The following PCDHA6 variants were observed in gnomAD, a reference collection of about 807,000 sequenced individuals.
PCDHA6 encodes the protein protocadherin alpha 6, also known as protocadherin alpha-6.
A neutral mutation model predicts 60.3 loss-of-function variants in PCDHA6; 55 were observed. That is an observed-to-expected ratio of 0.91 (90% CI 0.73 to 1.14). The LOEUF is 1.14. PCDHA6 is among the 50% of genes most tolerant of loss of function. The probability of loss-of-function intolerance (pLI) is 0.00; values close to 1 mark genes in which losing one functional copy is unlikely to be tolerated. For synonymous variants in PCDHA6, 652 were observed against 557.9 expected (o/e 1.17, Z -2.38); for missense variants, 1,327 against 1,256.5 (o/e 1.06, Z -0.85).
intron 1 of PCDHA6, chr5:140,848,253 T>C (rs1021743216): frequency 2.3e-5 from 11 of 469,010 alleles, no homozygotes; most frequent in African/African-American, 2.1e-4. Flanking sequence ...AGAATAACTG[T>C]GAAATTTTTA....
intron 1 of PCDHA6, among the ~76,000 whole-genome samples, chr5:140,911,247 A>G (rs2075389238): frequency 6.6e-6 from 1 of 152,124 alleles, no homozygotes; most frequent in Non-Finnish European, 1.5e-5. Context: ...AAAAAGTTTC[A>G]TCAGAATTTA....
chr5:140,836,436 G>A (rs1195331479), intron 1 of PCDHA6: 3 of 1,613,702 alleles, frequency 1.9e-6, no homozygotes, highest in Non-Finnish European at 2.5e-6. Context: ...GGCATCGTTG[G>A]GCATTGCAGG....
In PCDHA6 at chr5:141,009,805, A is replaced by G. The variant is rs1358613672; in HGVS notation, c.2721A>G (p.Gln907=). The change falls in exon 4 of 4, where the codon CAA becomes CAG. Residue 907 remains glutamine, a synonymous_variant. Transcript: ENST00000529310. ...ISIRQEPTNS[Q]IDKSDFITFG... ...TCCGGCAGGAGCCTACTAACAGCCAAATTGACAAAAGTGACTTCATAACCT... is the reference window on the plus strand; with the variant it reads ...TCCGGCAGGAGCCTACTAACAGCCAGATTGACAAAAGTGACTTCATAACCT... The G allele has an allele frequency of 3.1e-6, 5 of 1,613,974 alleles. No homozygotes were observed. Among genetic ancestry groups the G allele is most frequent in the African/African-American group, 1.3e-5 (1 of 74,898 alleles).
intron 1 of PCDHA6, among the ~76,000 whole-genome samples, chr5:140,941,211 C>CTCT (rs2092852939): frequency 7.7e-6 from 1 of 129,628 alleles, no homozygotes; most frequent in East Asian, 2.4e-4. Context: ...TCCTTTCTTT[C>CTCT]TTCCTTTCTT....
At chr5:140,996,129 G>A (rs190965499) in intron 3 of PCDHA6, among the ~76,000 whole-genome samples, 1 of 152,210 alleles carries the variant, frequency 6.6e-6, no homozygotes, top group Non-Finnish European at 1.5e-5. Flanking sequence ...TGGTGTAGAG[G>A]GTTCTCCCAT....
At chr5:140,992,471 A>G (rs1563581785) in intron 3 of PCDHA6, among the ~76,000 whole-genome samples, 1 of 152,186 alleles carries the variant, frequency 6.6e-6, no homozygotes, top group Non-Finnish European at 1.5e-5. Context: ...TACTCTTTAG[A>G]TCACCCAGAG....
chr5:140,901,020 C>G (rs528406801), intron 1 of PCDHA6, among the ~76,000 whole-genome samples: 2 of 152,262 alleles, frequency 1.3e-5, no homozygotes, highest in African/African-American at 4.8e-5. Flanking sequence ...TGAGAAACAT[C>G]TATTCAACTC....
chr5:140,982,538 G>C lies in PCDHA6; in HGVS notation c.2517G>C (p.Trp839Cys), dbSNP rs782094765. The change falls in exon 3 of 4, where the codon TGG becomes TGC. Residue 839 changes from tryptophan to cysteine, a missense_variant. Coordinates refer to ENST00000529310, the MANE Select transcript of PCDHA6 (RefSeq NM_018909.4). ...GTCCAGGAGGGCCTGATCAGCAGTG[G>C]CCAACAGTATCCAGTGCAACACCAG... ...RAGPGGPDQQ[W>C]PTVSSATPEP... 1 of 1,614,166 alleles carries C rather than the reference G, an allele frequency of 6.2e-7. No individual in the cohort carries two copies.
intron 3 of PCDHA6, among the ~76,000 whole-genome samples, chr5:141,003,899 A>G (rs1288060303): frequency 1.3e-5 from 2 of 152,200 alleles, no homozygotes; most frequent in East Asian, 1.9e-4. Context: ...AGGCCCATTC[A>G]TTTGGGTCTT....
At chr5:140,995,168 A>G (rs1554254492) in intron 3 of PCDHA6, among the ~76,000 whole-genome samples, 1 of 152,186 alleles carries the variant, frequency 6.6e-6, no homozygotes. Context: ...ATGTTCTTTC[A>G]TAGGTGCACC....
chr5:140,988,411 A>G (rs2097296392), intron 3 of PCDHA6, among the ~76,000 whole-genome samples: 1 of 152,144 alleles, frequency 6.6e-6, no homozygotes, highest in South Asian at 2.1e-4. Context: ...TTCGCAGCTT[A>G]TGTAAAGAAT....
At chr5:140,853,997 T>C in intron 1 of PCDHA6, 1 of 465,218 alleles carries the variant, frequency 2.1e-6, no homozygotes, top group Non-Finnish European at 2.9e-6. Flanking sequence ...GACTCATCTC[T>C]GCCAAAAAAA....
At chr5:140,866,347 A>G (rs1554160242) in intron 1 of PCDHA6, 2 of 152,140 alleles carry the variant, frequency 1.3e-5, no homozygotes, top group Admixed American at 6.5e-5. Context: ...GGATTCAAGA[A>G]ATGTTTACAA....
At chr5:140,832,466 T>A (rs1022367825) in intron 1 of PCDHA6, among the ~76,000 whole-genome samples, 6 of 152,304 alleles carry the variant, frequency 3.9e-5, no homozygotes, top group Admixed American at 1.3e-4. Flanking sequence ...CACTAAAATT[T>A]AAAAAAACTA....
At chr5:140,882,588 A>T in intron 1 of PCDHA6, 7 of 1,614,186 alleles carry the variant, frequency 4.3e-6, no homozygotes, top group Non-Finnish European at 5.1e-6. Context: ...ATCCACCTGG[A>T]GGTGATCGTG....
At chr5:140,887,135 C>T (rs2061323683) in intron 1 of PCDHA6, among the ~76,000 whole-genome samples, 1 of 150,802 alleles carries the variant, frequency 6.6e-6, no homozygotes, top group Non-Finnish European at 1.5e-5. Context: ...CTCACTCTGT[C>T]GCCCAGGCTG....
intron 1 of PCDHA6, chr5:140,876,605 A>G: frequency 1.2e-6 from 2 of 1,614,060 alleles, no homozygotes; most frequent in South Asian, 1.1e-5. Flanking sequence ...TCGGATCGTG[A>G]CTCTGGAGCC....
chr5:140,830,698 C>A, intron 1 of PCDHA6: 1 of 278,556 alleles, frequency 3.6e-6, no homozygotes, highest in Non-Finnish European at 6.4e-6. Flanking sequence ...ATCTGCACCT[C>A]AGAATTTTTG....
At chr5:140,869,694 G>T (rs782372405) in intron 1 of PCDHA6, 8 of 1,613,394 alleles carry the variant, frequency 5.0e-6, no homozygotes, top group Non-Finnish European at 6.8e-6. Context: ...TTATTTTAAA[G>T]AAGTCTCTGG....
Sources: gnomAD v4.1 joint callset for allele counts (sites outside exome capture counted in the v4.1 genomes callset) on GRCh38, gnomAD v4.1.1 for gene constraint, MANE v1.5 for transcripts, NCBI Gene and HGNC (gene_info 2026-07-23, HGNC 2026-07-21) for gene names.